Variants in KHDRBS2 observed in about 807,000 individuals in gnomAD.
The protein encoded by KHDRBS2 is KH RNA binding domain containing, signal transduction associated 2.
Under a neutral mutation model 44.3 loss-of-function variants are expected in KHDRBS2, and 26 were observed. The ratio of observed to expected loss-of-function variants is 0.59; its 90% CI spans 0.43 to 0.81. The LOEUF is 0.81. KHDRBS2 is among the 40% of genes least tolerant of loss of function. The probability of loss-of-function intolerance (pLI) is 0.00; values close to 1 mark genes in which losing one functional copy is unlikely to be tolerated. For synonymous variants in KHDRBS2, 194 were observed against 151.1 expected, an observed-to-expected ratio of 1.28 and a Z score of -2.08; for missense variants, 476 against 433.1, an observed-to-expected ratio of 1.10 and a Z score of -0.88.
intron 2 of KHDRBS2, among the ~76,000 whole-genome samples, chr6:62,061,983 G>T (rs978088267): frequency 6.6e-6 from 1 of 151,760 alleles, no homozygotes; most frequent in African/African-American, 2.4e-5. Context: ...TGAGGCTCCT[G>T]CATTCTTCAC....
chr6:62,136,120 T>G (rs1811471626), intron 2 of KHDRBS2, among the ~76,000 whole-genome samples: 2 of 152,014 alleles, frequency 1.3e-5, no homozygotes. Context: ...GATGATAGAT[T>G]TACTTGACTG....
chr6:61,678,336 C>T (rs750694581), downstream of KHDRBS2, among the ~76,000 whole-genome samples: 7 of 151,874 alleles, frequency 4.6e-5, no homozygotes, highest in Non-Finnish European at 8.8e-5. Context: ...TTTCAAACAG[C>T]GATTTTACTC....
At chr6:62,029,799 T>C (rs576147415) in intron 3 of KHDRBS2, among the ~76,000 whole-genome samples, 2 of 152,096 alleles carry the variant, frequency 1.3e-5, no homozygotes, top group Non-Finnish European at 2.9e-5. Context: ...ATATAAGACA[T>C]TCAATGGATG....
At chr6:62,045,162 A>T (rs1787399479) in intron 3 of KHDRBS2, among the ~76,000 whole-genome samples, 1 of 152,044 alleles carries the variant, frequency 6.6e-6, no homozygotes, top group African/African-American at 2.4e-5. Flanking sequence ...GAGGAGGGGA[A>T]CAATAAAGAA....
At chr6:61,639,939 A>G in the KHDRBS2 span, among the ~76,000 whole-genome samples, 1 of 152,180 alleles carries the variant, frequency 6.6e-6, no homozygotes, top group Non-Finnish European at 1.5e-5. Context: ...AAACCATAAT[A>G]TGTACAGACA....
chr6:61,984,226 C>T (rs568257850), intron 3 of KHDRBS2, among the ~76,000 whole-genome samples: 1 of 152,290 alleles, frequency 6.6e-6, no homozygotes, highest in East Asian at 1.9e-4. Flanking sequence ...GTGGGCTATA[C>T]TATGAAGTTA....
At position 62,194,480 on chromosome 6, in the gene KHDRBS2, C is replaced by CTTTTTTTTT. The variant is rs70996208; in HGVS notation, c.92-17177_92-17169dup. 9.0e-4 allele frequency among the ~76,000 whole-genome samples: 63 copies of CTTTTTTTTT among 69,762 alleles called. 6 individuals are homozygous for CTTTTTTTTT. Among genetic ancestry groups the CTTTTTTTTT allele is most frequent in the Non-Finnish European group, 1.1e-3 (45 of 39,776 alleles). The allele number at this position is 69,762 out of a possible 152,430, so 45.8% of individuals were successfully genotyped here. A position where few individuals can be genotyped will look rare whatever the true frequency, so the allele number is the denominator to read the frequency against. On this transcript the variant is annotated intron_variant, in intron 1 of 8. Transcript: ENST00000281156. ...CACTTTCTTTTCTTTTCTTTTCTTC[C>CTTTTTTTTT]TTTTTTTTTTTTTTTTTTTTTTTTT...
rs538230078 is a variant in KHDRBS2 at position 61,916,497 on chromosome 6, T to A, written c.484-15126A>T. ...TATTACAAAGGAACTTTTATATTTA[T>A]CATTGCTATCAATGCAAACACTAAC... On this transcript the variant is annotated intron_variant, in intron 4 of 8. Transcript: ENST00000281156. Among the ~76,000 whole-genome samples, 7 of 152,098 alleles carry A rather than the reference T, an allele frequency of 4.6e-5. No individual in the cohort carries two copies. The South Asian group carries it at 1.4e-3, about 32-fold the overall frequency.
At chr6:61,944,669 ACAC>A (rs1812832044) in intron 4 of KHDRBS2, among the ~76,000 whole-genome samples, 1 of 152,196 alleles carries the variant, frequency 6.6e-6, no homozygotes. Flanking sequence ...AATGTTGCCA[ACAC>A]ATAGAAATGA....
At chr6:61,993,264 C>T (rs1360662585) in intron 3 of KHDRBS2, among the ~76,000 whole-genome samples, 2 of 151,998 alleles carry the variant, frequency 1.3e-5, no homozygotes, top group Admixed American at 1.3e-4. Flanking sequence ...CCCTACTAGC[C>T]ATGACAGATG....
chr6:61,552,842 T>G, the KHDRBS2 span, among the ~76,000 whole-genome samples: 4 of 152,196 alleles, frequency 2.6e-5, no homozygotes, highest in Admixed American at 1.3e-4. Context: ...ATCCCAGATA[T>G]AAAGCCTACT....
intron 3 of KHDRBS2, among the ~76,000 whole-genome samples, chr6:62,045,605 T>C (rs750604639): frequency 3.3e-5 from 5 of 152,114 alleles, no homozygotes; most frequent in Non-Finnish European, 5.9e-5. Context: ...TACTATAAAT[T>C]AGAACTGTGA....
At chr6:62,047,582 A>G (rs574059776) in intron 3 of KHDRBS2, among the ~76,000 whole-genome samples, 1 of 151,974 alleles carries the variant, frequency 6.6e-6, no homozygotes, top group East Asian at 1.9e-4. Flanking sequence ...GAACACAGAC[A>G]TATAGAAACA....
chr6:62,239,339 G>A (rs9454714), intron 1 of KHDRBS2, among the ~76,000 whole-genome samples: 5,237 of 152,172 alleles, frequency 0.034, 298 homozygotes, highest in African/African-American at 0.12. Context: ...CTGGGAGGCC[G>A]AGGAGGGTGG....
At chr6:62,240,793 G>T (rs1382085688) in intron 1 of KHDRBS2, among the ~76,000 whole-genome samples, 2 of 145,652 alleles carry the variant, frequency 1.4e-5, no homozygotes, top group Admixed American at 7.0e-5. Flanking sequence ...CCCCTTTCTT[G>T]TCTGTAACTT....
At position 62,153,156 on chromosome 6, in the gene KHDRBS2, CTTAAA is replaced by C. The variant is rs556349641; in HGVS notation, c.219+24024_219+24028del. 2.6e-3 allele frequency among the ~76,000 whole-genome samples: 393 copies of C among 152,206 alleles called. 3 individuals are homozygous for C. The highest frequency in any genetic ancestry group is 8.7e-3 in the African/African-American group (360 of 41,562). On this transcript the variant is annotated intron_variant, in intron 2 of 8. Coordinates refer to ENST00000281156, the MANE Select transcript of KHDRBS2 (RefSeq NM_152688.4). ...GGATTAGTTTCACTCTCTTCCAATA[CTTAAA>C]TTAATTACCATAAACTATGAATGAA...
chr6:62,187,231 A>C (rs1471733979), intron 1 of KHDRBS2, among the ~76,000 whole-genome samples: 1 of 152,192 alleles, frequency 6.6e-6, no homozygotes, highest in Non-Finnish European at 1.5e-5. Context: ...ATTATACAAA[A>C]GGAAAACCTG....
chr6:61,889,263 CA>C (rs1801444596), intron 6 of KHDRBS2, among the ~76,000 whole-genome samples: 1 of 152,108 alleles, frequency 6.6e-6, no homozygotes, highest in Non-Finnish European at 1.5e-5. Context: ...ATCCAAACCT[CA>C]AAGTGTTTGT....
chr6:61,569,188 C>T, the KHDRBS2 span, among the ~76,000 whole-genome samples: 3 of 152,164 alleles, frequency 2.0e-5, no homozygotes, highest in Non-Finnish European at 4.4e-5. Context: ...GAACATAACT[C>T]CATGGGTCTG....
Sources: gnomAD v4.1 joint callset for allele counts (sites outside exome capture counted in the v4.1 genomes callset) on GRCh38, gnomAD v4.1.1 for gene constraint, MANE v1.5 for transcripts, NCBI Gene and HGNC (gene_info 2026-07-23, HGNC 2026-07-21) for gene names.